Variants in KCNT1 observed in about 807,000 individuals in gnomAD.
KCNT1 encodes the protein potassium sodium-activated channel subfamily T member 1, also known as potassium channel subfamily T member 1.
A neutral mutation model predicts 147.8 loss-of-function variants in KCNT1; 78 were observed. That is an observed-to-expected ratio of 0.53 (90% CI 0.44 to 0.64). The LOEUF is 0.64. Ranked by LOEUF, KCNT1 falls within the 30% of genes least tolerant of loss-of-function variation. The pLI is 0.00. For missense variants in KCNT1, 1,419 were observed against 1,750.3 expected (o/e 0.81, Z 3.38); for synonymous variants, 867 against 748.8 (o/e 1.16, Z -2.58).
intron 28 of KCNT1, chr9:135,785,911 C>T (rs189757818): frequency 1.5e-5 from 8 of 524,744 alleles, no homozygotes; most frequent in Admixed American, 7.4e-5. Context: ...CTCAGAGAGG[C>T]GAAGGGAGCT....
At chr9:135,758,691 C>G (rs974184860) in intron 10 of KCNT1, among the ~76,000 whole-genome samples, 183 bp downstream of exon 10, 1 of 152,230 alleles carries the variant, frequency 6.6e-6, no homozygotes, top group Non-Finnish European at 1.5e-5. Flanking sequence ...GCTCCAAGCC[C>G]ACGTCCCCAG....
chr9:135,740,036 T>G (rs916102224), intron 2 of KCNT1, among the ~76,000 whole-genome samples: 9 of 152,310 alleles, frequency 5.9e-5, no homozygotes, highest in African/African-American at 2.2e-4. Flanking sequence ...AGACACCATC[T>G]TCTCCCTGTG....
At chr9:135,745,562 G>A (rs1164625866) in intron 2 of KCNT1, among the ~76,000 whole-genome samples, 1 of 152,222 alleles carries the variant, frequency 6.6e-6, no homozygotes, top group South Asian at 2.1e-4. Context: ...TGAGCACCGG[G>A]GCAGCCTCTC....
chr9:135,726,955 T>C (rs890482580), intron 2 of KCNT1, among the ~76,000 whole-genome samples: 1 of 1,650 alleles, frequency 6.1e-4, no homozygotes, highest in African/African-American at 3.0e-3. Context: ...CTCTTTCCCA[T>C]TCTCCCTCTC....
At position 135,786,317 on chromosome 9, in the gene KCNT1, G is replaced by A. The variant is rs769422518; in HGVS notation, c.3298G>A (p.Ala1100Thr). 31 of 1,599,978 alleles carry A rather than the reference G, an allele frequency of 1.9e-5. 1 individual carries two copies. Among genetic ancestry groups the A allele is most frequent in the East Asian group, 2.3e-5 (1 of 44,322 alleles). The change falls in exon 29 of 31, where the codon GCA becomes ACA. Residue 1100 changes from alanine (A) to threonine (T), a missense_variant. Physicochemically the swap from Ala to Thr is moderately conservative, Grantham distance 58 (BLOSUM62 0). Transcript: ENST00000371757. Reference sequence around the variant, plus strand: ...CCGCCACACGGGCGGCGGTGACCCCGCAGAGCACCCACTGCTACGGCGCAA... The same window carrying A: ...CCGCCACACGGGCGGCGGTGACCCCACAGAGCACCCACTGCTACGGCGCAA... ...QGRHTGGGDP[A>T]EHPLLRRKSL...
At chr9:135,744,815 G>A (rs1830736719) in intron 2 of KCNT1, among the ~76,000 whole-genome samples, 1 of 152,190 alleles carries the variant, frequency 6.6e-6, no homozygotes, top group Non-Finnish European at 1.5e-5. Flanking sequence ...TCCCTGCTGT[G>A]TCTGGGACCC....
chr9:135,710,012 G>A (rs1024869725), intron 1 of KCNT1, among the ~76,000 whole-genome samples: 2 of 152,114 alleles, frequency 1.3e-5, no homozygotes, highest in African/African-American at 4.8e-5. Flanking sequence ...TCCTTTCCAC[G>A]GGACCTGTAG....
intron 2 of KCNT1, among the ~76,000 whole-genome samples, chr9:135,748,611 G>A (rs1830973061): frequency 1.3e-5 from 2 of 152,194 alleles, no homozygotes; most frequent in Admixed American, 1.3e-4. Context: ...GGGTTAGGCT[G>A]GTGCTTACCT....
intron 15 of KCNT1, among the ~76,000 whole-genome samples, 153 bp from the exon 16 acceptor site, chr9:135,769,794 C>T (rs1832617691): frequency 6.6e-6 from 1 of 152,168 alleles, no homozygotes; most frequent in Non-Finnish European, 1.5e-5. Context: ...GGTCCACAGA[C>T]TCTCGGGGCA....
At chr9:135,760,867 G>A (rs1299193034) in intron 11 of KCNT1, among the ~76,000 whole-genome samples, 1 of 152,222 alleles carries the variant, frequency 6.6e-6, no homozygotes, top group East Asian at 1.9e-4. Context: ...CCGCTCCTGT[G>A]AGCTGCCCGC....
At chr9:135,710,904 A>T (rs1361110419) in intron 1 of KCNT1, among the ~76,000 whole-genome samples, 1 of 152,190 alleles carries the variant, frequency 6.6e-6, no homozygotes, top group Non-Finnish European at 1.5e-5. Context: ...GACAGCTTCC[A>T]GTCCATCTCT....
At position 135,730,436 on chromosome 9, in the gene KCNT1, CG is replaced by C. The variant is rs779479451; in HGVS notation, c.254+15717del. On this transcript the variant is annotated intron_variant, in intron 2 of 30. Transcript: ENST00000371757. The surrounding 1 kb of genome is among the most constrained non-coding windows in gnomAD (Gnocchi z 4.7). ...GAGGGCCTTGAAGATGGGAAATTAT[CG>C]TGGATGATCTGGGTGAGCCAAGATC... 3.9e-5 allele frequency among the ~76,000 whole-genome samples: 6 copies of C among 152,156 alleles called. No homozygotes were observed. The highest frequency in any genetic ancestry group is 8.8e-5 in the Non-Finnish European group (6 of 68,046).
chr9:135,787,205 C>A (rs532676961), intron 29 of KCNT1, among the ~76,000 whole-genome samples: 2 of 152,222 alleles, frequency 1.3e-5, no homozygotes, highest in African/African-American at 2.4e-5. Context: ...GGGAGCCCGG[C>A]GTCCGTCTTC....
chr9:135,754,968 T>A (rs1376587385), intron 5 of KCNT1, among the ~76,000 whole-genome samples, 153 bp from the exon 6 acceptor site: 1 of 152,122 alleles, frequency 6.6e-6, no homozygotes, highest in East Asian at 1.9e-4. Flanking sequence ...TATGGTCCCC[T>A]CCAAAGGCAA....
chr9:135,711,128 C>G (rs1438640062), intron 1 of KCNT1, among the ~76,000 whole-genome samples: 1 of 152,234 alleles, frequency 6.6e-6, no homozygotes, highest in Non-Finnish European at 1.5e-5. Context: ...CTTCATGACT[C>G]CTTGCTTTTA....
At chr9:135,791,914 C>G in intron 30 of KCNT1, 33 bp downstream of exon 30, 1 of 1,612,484 alleles carries the variant, frequency 6.2e-7, no homozygotes, top group Non-Finnish European at 8.5e-7. Context: ...GTGGAGACCC[C>G]CCCTGAGCAC....
At position 135,714,590 on chromosome 9, in the gene KCNT1, G is replaced by C; in HGVS notation, c.124G>C (p.Gly42Arg). ...GTGTGCCCGCAGGCGGCCCTGCGCG[G>C]GGGACGGCGCGCTCCTGGACACCGC... is the stretch of plus-strand genomic sequence containing the variant. The part of the protein sequence containing the change: ...GQCAPRRPCA[G>R]DGALLDTAGF... The change falls in exon 2 of 31, where the codon GGG becomes CGG. Residue 42 changes from glycine to arginine, a missense_variant. Coordinates refer to ENST00000371757, the MANE Select transcript of KCNT1 (RefSeq NM_020822.3). The surrounding 1 kb of genome is among the most constrained non-coding windows in gnomAD (Gnocchi z 6.2). 7.2e-7 allele frequency: 1 copy of C among 1,382,906 alleles called. No homozygotes were observed. Among genetic ancestry groups the C allele is most frequent in the Non-Finnish European group, 9.5e-7 (1 of 1,051,970 alleles). 85.7% of individuals were successfully genotyped at this position (1,382,906 alleles called of 1,614,324 possible).
chr9:135,753,228 C>T (rs1831292552), intron 4 of KCNT1, among the ~76,000 whole-genome samples: 1 of 152,054 alleles, frequency 6.6e-6, no homozygotes, highest in South Asian at 2.1e-4. Context: ...TGCAACAACC[C>T]CATTAAAAAT....
chr9:135,785,411 C>G, intron 28 of KCNT1, 81 bp downstream of exon 28: 1 of 1,336,476 alleles, frequency 7.5e-7, no homozygotes, highest in South Asian at 1.3e-5. Flanking sequence ...CTGCCAGGCC[C>G]CACCCACCCA....
Sources: gnomAD v4.1 joint callset for allele counts (sites outside exome capture counted in the v4.1 genomes callset) on GRCh38, gnomAD v4.1.1 for gene constraint, Gnocchi (gnomAD v3.1) non-coding constraint, MANE v1.5 for transcripts, NCBI Gene and HGNC (gene_info 2026-07-23, HGNC 2026-07-21) for gene names.